The following NXPE2 variants were observed in gnomAD, a reference collection of about 807,000 sequenced individuals.
The protein encoded by NXPE2 is neurexophilin and PC-esterase domain family member 2, also known as NXPE family member 2.
Under a neutral mutation model 34.4 loss-of-function variants are expected in NXPE2, and 34 were observed. The observed-to-expected ratio is 0.99, with a 90% CI of 0.75 to 1.31. NXPE2 has a LOEUF of 1.31. Among genes scored for constraint, NXPE2 ranks in the 40% most tolerant of loss-of-function variants. NXPE2 has a pLI of 0.00. For missense variants in NXPE2, 649 were observed against 672.5 expected (o/e 0.97, Z 0.39); for synonymous variants, 235 against 231.3 (o/e 1.02, Z -0.15).
At chr11:114,701,230 A>T (rs1176074343) in intron 3 of NXPE2, among the ~76,000 whole-genome samples, 3 of 152,108 alleles carry the variant, frequency 2.0e-5, no homozygotes, top group Admixed American at 1.3e-4. Flanking sequence ...CTAAGGGTGG[A>T]CTTAAGATTC....
rs1271713360 is a variant in NXPE2, at chr11:114,705,887, G to T, written c.1035G>T (p.Lys345Asn). The change falls in exon 5 of 6, where the codon AAG (lysine) becomes AAT (asparagine). Residue 345 changes from lysine to asparagine, a missense_variant. Physicochemically the swap from Lys to Asn is moderately conservative, Grantham distance 94 (BLOSUM62 0). Coordinates refer to ENST00000389586, the MANE Select transcript of NXPE2 (RefSeq NM_182495.6). ...MWITAFCKQI[K>N]FNETKNINDC... ...TTACAGCATTTTGTAAACAGATCAA[G>T]TTCAATGAAACAAAAAATATAAATG... 1.9e-6 allele frequency: 3 copies of T among 1,542,436 alleles called. No individual in the cohort carries two copies. Among genetic ancestry groups the T allele is most frequent in the East Asian group, 2.5e-5 (1 of 40,340 alleles).
At chr11:114,786,784 CACAG>C in the NXPE2 span, among the ~76,000 whole-genome samples, 5 of 151,414 alleles carry the variant, frequency 3.3e-5, no homozygotes, top group Non-Finnish European at 5.9e-5. Context: ...AGCTGCCCCA[CACAG>C]ACAGCCACAG....
the NXPE2 span, chr11:114,522,803 C>G: frequency 1.2e-5 from 12 of 1,039,676 alleles, no homozygotes; most frequent in Admixed American, 2.1e-5. Context: ...ATAGCTCAAA[C>G]GAGAGAATAG....
the NXPE2 span, among the ~76,000 whole-genome samples, chr11:114,508,534 T>C: frequency 2.6e-5 from 4 of 152,100 alleles, no homozygotes; most frequent in African/African-American, 7.2e-5. Context: ...GGTATTGGTA[T>C]AAGAACATAC....
intron 3 of NXPE2, among the ~76,000 whole-genome samples, chr11:114,700,677 A>G (rs1298303280): frequency 6.6e-6 from 1 of 152,210 alleles, no homozygotes; most frequent in Non-Finnish European, 1.5e-5. Flanking sequence ...TTGAATAAAA[A>G]AAAATAAGTA....
the NXPE2 span, among the ~76,000 whole-genome samples, chr11:114,669,397 T>A: frequency 6.6e-6 from 1 of 152,068 alleles, no homozygotes; most frequent in Non-Finnish European, 1.5e-5. Context: ...GAAGACTTCA[T>A]CTTCCCTGAC....
In NXPE2 at chr11:114,706,594, T is replaced by C; in HGVS notation, c.1344T>C (p.Ile448=). Reference sequence around the variant, plus strand: ...GAGACAAAAACACAGCCATTGTCATTACCCTCGGCCAACACTTCAGACCCT... The same window carrying C: ...GAGACAAAAACACAGCCATTGTCATCACCCTCGGCCAACACTTCAGACCCT... The part of the protein sequence containing the change: ...VAGDKNTAIV[I]TLGQHFRPFP... The change falls in exon 6 of 6, where the codon ATT becomes ATC. Residue 448 remains isoleucine (I), a synonymous_variant. Transcript: ENST00000389586. 2 of 1,551,864 alleles carry C rather than the reference T, an allele frequency of 1.3e-6. No homozygotes were observed. The highest frequency in any genetic ancestry group is 1.7e-6 in the Non-Finnish European group (2 of 1,146,980).
the NXPE2 span, among the ~76,000 whole-genome samples, chr11:114,572,777 G>A: frequency 2.6e-5 from 4 of 152,088 alleles, no homozygotes; most frequent in Non-Finnish European, 1.5e-5. Flanking sequence ...TTAAAAGTCT[G>A]GAAAACATAT....
chr11:114,678,150 C>T (rs1404431514), upstream of NXPE2, among the ~76,000 whole-genome samples: 5 of 151,998 alleles, frequency 3.3e-5, no homozygotes, highest in Non-Finnish European at 5.9e-5. Context: ...CTTCAGGAAC[C>T]GTGGACTCAG....
chr11:114,632,937 ATATAT>A, the NXPE2 span, among the ~76,000 whole-genome samples: 1 of 98,652 alleles, frequency 1.0e-5, no homozygotes, highest in African/African-American at 4.2e-5. Context: ...ATATAATAAT[ATATAT>A]TATATGATAT....
the NXPE2 span, among the ~76,000 whole-genome samples, chr11:114,635,695 A>T: frequency 6.6e-6 from 1 of 151,934 alleles, no homozygotes; most frequent in South Asian, 2.1e-4. Context: ...ATTTTGTCAA[A>T]GGCCTTTTCT....
At chr11:114,748,023 C>G in the NXPE2 span, among the ~76,000 whole-genome samples, 2 of 152,260 alleles carry the variant, frequency 1.3e-5, no homozygotes, top group East Asian at 3.9e-4. Flanking sequence ...GTGAGATCAC[C>G]TTTATTAGAT....
At chr11:114,514,389 ATCTT>A in the NXPE2 span, among the ~76,000 whole-genome samples, 4 of 152,084 alleles carry the variant, frequency 2.6e-5, no homozygotes, top group East Asian at 5.8e-4. Context: ...TCTAGTGATT[ATCTT>A]TCTTTCTTTC....
chr11:114,792,093 C>A, the NXPE2 span, among the ~76,000 whole-genome samples: 6 of 152,236 alleles, frequency 3.9e-5, no homozygotes, highest in Non-Finnish European at 7.4e-5. Flanking sequence ...AAGATACGTG[C>A]TGAGCAGCTC....
chr11:114,502,915 C>G, the NXPE2 span, among the ~76,000 whole-genome samples: 1 of 152,092 alleles, frequency 6.6e-6, no homozygotes, highest in African/African-American at 2.4e-5. Flanking sequence ...TTTATTTACT[C>G]TTTTAGCCAC....
chr11:114,505,288 T>C, the NXPE2 span, among the ~76,000 whole-genome samples: 2 of 152,278 alleles, frequency 1.3e-5, no homozygotes, highest in East Asian at 3.9e-4. Flanking sequence ...TGGAACCCAC[T>C]TGGAAAACGT....
chr11:114,734,740 T>A, the NXPE2 span, among the ~76,000 whole-genome samples: 1 of 152,182 alleles, frequency 6.6e-6, no homozygotes, highest in South Asian at 2.1e-4. Context: ...CTTAGCTACA[T>A]GCTCAAGGAA....
chr11:114,639,405 AC>A, the NXPE2 span, among the ~76,000 whole-genome samples: 3 of 151,374 alleles, frequency 2.0e-5, no homozygotes, highest in Admixed American at 1.3e-4. Context: ...GAACTCCCTG[AC>A]CCCTTGCGCT....
the NXPE2 span, among the ~76,000 whole-genome samples, chr11:114,776,610 T>A: frequency 6.6e-5 from 10 of 152,204 alleles, no homozygotes; most frequent in African/African-American, 2.4e-4. Flanking sequence ...GGGAGCCCAG[T>A]GGGGTTTGGC....
Sources: gnomAD v4.1 joint callset for allele counts (sites outside exome capture counted in the v4.1 genomes callset) on GRCh38, gnomAD v4.1.1 for gene constraint, MANE v1.5 for transcripts, NCBI Gene and HGNC (gene_info 2026-07-23, HGNC 2026-07-21) for gene names.